The following CDH8 variants were observed in gnomAD, a reference collection of about 807,000 sequenced individuals.
The protein encoded by CDH8 is cadherin-8.
CDH8 carries 17 observed loss-of-function variants against 68.1 expected under a neutral mutation model. That is an observed-to-expected ratio of 0.25 (90% confidence interval 0.17 to 0.37). The LOEUF (loss-of-function observed/expected upper bound fraction) is 0.37. Ranked by LOEUF, CDH8 falls within the 10% of genes least tolerant of loss-of-function variation. The probability of loss-of-function intolerance (pLI) is 1.00; values close to 1 mark genes in which losing one functional copy is unlikely to be tolerated. For missense variants in CDH8, 763 were observed against 999.3 expected (o/e 0.76, Z 3.19); for synonymous variants, 372 against 365.1 (o/e 1.02, Z -0.21).
chr16:62,032,997 G>A (rs1035483594), intron 1 of CDH8, among the ~76,000 whole-genome samples: 4 of 152,138 alleles, frequency 2.6e-5, no homozygotes, highest in African/African-American at 9.7e-5. Context: ...GGAAAGCAAA[G>A]CCCAGAGGTA....
At chr16:61,974,307 A>G (rs1965399351) in intron 2 of CDH8, among the ~76,000 whole-genome samples, 1 of 152,218 alleles carries the variant, frequency 6.6e-6, no homozygotes, top group Non-Finnish European at 1.5e-5. Flanking sequence ...ATCCTGAACT[A>G]TGCTGGTCTT....
intron 9 of CDH8, among the ~76,000 whole-genome samples, chr16:61,724,457 C>T (rs1003520412): frequency 2.7e-5 from 4 of 150,408 alleles, no homozygotes; most frequent in African/African-American, 9.7e-5. Context: ...TTTACATAGG[C>T]CCTTTTGGTC....
At chr16:61,680,047 T>C (rs1268631140) in intron 10 of CDH8, among the ~76,000 whole-genome samples, 7 of 152,006 alleles carry the variant, frequency 4.6e-5, no homozygotes, top group Admixed American at 3.3e-4. Flanking sequence ...GGTGATCTTT[T>C]CACAATTTTT....
intron 3 of CDH8, among the ~76,000 whole-genome samples, chr16:61,871,444 G>A (rs1963360754): frequency 6.6e-6 from 1 of 151,622 alleles, no homozygotes; most frequent in East Asian, 1.9e-4. Flanking sequence ...GATTACAGAT[G>A]TGAGCCACTG....
intron 8 of CDH8, among the ~76,000 whole-genome samples, chr16:61,751,246 C>T (rs1210239945): frequency 6.6e-6 from 1 of 151,760 alleles, no homozygotes; most frequent in African/African-American, 2.4e-5. Flanking sequence ...AGTTATGCAA[C>T]ATATGCCTTC....
At chr16:61,751,649 A>C (rs554247354) in intron 8 of CDH8, among the ~76,000 whole-genome samples, 2 of 152,192 alleles carry the variant, frequency 1.3e-5, no homozygotes, top group East Asian at 3.9e-4. Context: ...CTCTGAATTC[A>C]AATGCAAGGT....
At chr16:61,823,982 A>T (rs1201544986) in intron 5 of CDH8, among the ~76,000 whole-genome samples, 2 of 152,072 alleles carry the variant, frequency 1.3e-5, no homozygotes, top group East Asian at 3.9e-4. Flanking sequence ...TTTCATGTTC[A>T]TTCCAGGATT....
chr16:61,670,041 T>C (rs1355195175), intron 10 of CDH8, among the ~76,000 whole-genome samples: 1 of 152,090 alleles, frequency 6.6e-6, no homozygotes, highest in Non-Finnish European at 1.5e-5. Flanking sequence ...CGTTCAATAA[T>C]GGAACTAATG....
At chr16:61,876,850 G>A (rs893768719) in intron 3 of CDH8, among the ~76,000 whole-genome samples, 1 of 151,810 alleles carries the variant, frequency 6.6e-6, no homozygotes, top group African/African-American at 2.4e-5. Flanking sequence ...TTTGGTATAC[G>A]GATCAGCATA....
rs191960994 is a variant in CDH8, at chr16:61,653,468, C to T, written c.*140G>A. 1 of 1,450,270 alleles carries T rather than the reference C, an allele frequency of 6.9e-7. No homozygotes were observed. Among genetic ancestry groups the T allele is most frequent in the African/African-American group, 1.4e-5 (1 of 69,806 alleles). 89.8% of individuals were successfully genotyped at this position (1,450,270 alleles called of 1,614,324 possible). Reference sequence around the variant, plus strand: ...ATTTTATTATCTTTTTTTGGTTCAACATTAAAATGTGGTTGAGTTTATAGA... The same window carrying T: ...ATTTTATTATCTTTTTTTGGTTCAATATTAAAATGTGGTTGAGTTTATAGA... On this transcript the variant is annotated 3_prime_UTR_variant, in exon 12 of 12. Transcript: ENST00000577390.
chr16:61,755,800 T>TCC, intron 8 of CDH8, among the ~76,000 whole-genome samples: 1 of 152,022 alleles, frequency 6.6e-6, no homozygotes, highest in African/African-American at 2.4e-5. Context: ...CGCCTTCTTC[T>TCC]TCTTCTTCTC....
chr16:61,918,015 A>G (rs146747076), intron 2 of CDH8, among the ~76,000 whole-genome samples: 1 of 144,436 alleles, frequency 6.9e-6, no homozygotes, highest in Non-Finnish European at 1.5e-5. Flanking sequence ...ACTGATGTAC[A>G]TGTAATGATG....
Position 61,820,940 on chromosome 16 carries a change from T to C in CDH8, c.1009A>G (p.Ile337Val), listed in dbSNP as rs1228149704. ...TSDAQAQDGIIRLRKPLDFET... is the reference protein window; with the variant it reads ...TSDAQAQDGIVRLRKPLDFET... ...CCTTAGCTTACTTTTCTTAGCCTTATAATGCCATCCTGGGCCTGGGCATCA... is the reference window on the plus strand; with the variant it reads ...CCTTAGCTTACTTTTCTTAGCCTTACAATGCCATCCTGGGCCTGGGCATCA... The change falls in exon 6 of 12, where the codon ATA becomes GTA. Residue 337 changes from isoleucine (I) to valine (V), a missense_variant. Ile to Val is a conservative substitution (Grantham distance 29). Around this residue, in one of 2 missense-constraint regions of CDH8, gnomAD observed 366 missense variants for 563.1 expected, o/e 0.65. Coordinates refer to ENST00000577390, the MANE Select transcript of CDH8 (RefSeq NM_001796.5). 1.2e-6 allele frequency: 2 copies of C among 1,611,702 alleles called. No individual in the cohort carries two copies. Among genetic ancestry groups the C allele is most frequent in the Non-Finnish European group, 1.7e-6 (2 of 1,178,534 alleles).
chr16:61,879,665 G>A (rs953398346), intron 3 of CDH8, among the ~76,000 whole-genome samples: 2 of 152,052 alleles, frequency 1.3e-5, no homozygotes, highest in African/African-American at 4.8e-5. Flanking sequence ...AACTGCAATT[G>A]AAATCTTCAG....
At chr16:61,822,839 G>A (rs1962246646) in intron 5 of CDH8, among the ~76,000 whole-genome samples, 1 of 151,872 alleles carries the variant, frequency 6.6e-6, no homozygotes, top group Non-Finnish European at 1.5e-5. Context: ...CCTACATGGG[G>A]AGTCTTGGGA....
At chr16:61,893,612 G>A (rs1352760787) in intron 3 of CDH8, among the ~76,000 whole-genome samples, 3 of 151,990 alleles carry the variant, frequency 2.0e-5, no homozygotes, top group African/African-American at 7.3e-5. Flanking sequence ...TAATTCTAGG[G>A]CTGGGCTAGA....
chr16:62,003,283 T>A (rs1965922607), intron 2 of CDH8, among the ~76,000 whole-genome samples: 1 of 152,182 alleles, frequency 6.6e-6, no homozygotes, highest in Admixed American at 6.5e-5. Flanking sequence ...CTTCTAATCA[T>A]AGGATTTATT....
chr16:61,831,029 G>T (rs549450317), intron 4 of CDH8, among the ~76,000 whole-genome samples: 4 of 151,894 alleles, frequency 2.6e-5, no homozygotes, highest in South Asian at 2.1e-4. Flanking sequence ...CCTTGAAAGT[G>T]GGGGGCTGTA....
In CDH8 at chr16:61,755,765, TCTTCTCCTTCTC is replaced by T. The variant is rs138172833; in HGVS notation, c.1415-28562_1415-28551del. ...AGTAGAGTTTTCTTCTTTTTCTTCT[TCTTCTCCTTCTC>T]CTTCTCCTTCTCCGCCTTCTTCTTC... On this transcript the variant is annotated intron_variant, in intron 8 of 11. Coordinates refer to ENST00000577390, the MANE Select transcript of CDH8 (RefSeq NM_001796.5). Among the ~76,000 whole-genome samples the T allele has an allele frequency of 2.0e-4, 30 of 150,950 alleles. 1 individual carries two copies. Among genetic ancestry groups the T allele is most frequent in the Admixed American group, 1.5e-3 (23 of 15,144 alleles).
Sources: gnomAD v4.1 joint callset for allele counts (sites outside exome capture counted in the v4.1 genomes callset) on GRCh38, gnomAD v4.1.1 for gene constraint, gnomAD v4.1.1 regional missense constraint, MANE v1.5 for transcripts, NCBI Gene and HGNC (gene_info 2026-07-23, HGNC 2026-07-21) for gene names.